The following LGSN variants were observed in gnomAD, a reference collection of about 807,000 sequenced individuals.
LGSN encodes the protein lengsin.
LGSN carries 21 observed loss-of-function variants against 19.5 expected under a neutral mutation model. That is an observed-to-expected ratio of 1.07 (90% confidence interval 0.76 to 1.55). LGSN has a LOEUF of 1.55. Ranked by LOEUF, LGSN falls within the 40% of genes most tolerant of loss-of-function variation. The pLI is 0.00. For synonymous variants in LGSN, 257 were observed against 215.6 expected (o/e 1.19, Z -1.68); for missense variants, 673 against 608.5 (o/e 1.11, Z -1.12).
At chr6:63,432,168 A>AGAAG in the LGSN span, among the ~76,000 whole-genome samples, 1 of 100,600 alleles carries the variant, frequency 9.9e-6, no homozygotes, top group African/African-American at 4.6e-5. Flanking sequence ...AAAGAAAGAA[A>AGAAG]GAAAAGGAAA....
chr6:63,405,723 C>G, the LGSN span, among the ~76,000 whole-genome samples: 1 of 152,100 alleles, frequency 6.6e-6, no homozygotes, highest in Admixed American at 6.6e-5. Flanking sequence ...TTAAAAGACA[C>G]AGACTGGCAA....
chr6:63,283,677 T>C (rs1037666721), intron 3 of LGSN, among the ~76,000 whole-genome samples: 1 of 151,646 alleles, frequency 6.6e-6, no homozygotes, highest in African/African-American at 2.4e-5. Flanking sequence ...ATATTTAGGT[T>C]ACTTTGCACA....
At chr6:63,302,363 G>A (rs1445122534) in intron 1 of LGSN, among the ~76,000 whole-genome samples, 1 of 152,092 alleles carries the variant, frequency 6.6e-6, no homozygotes, top group African/African-American at 2.4e-5. Flanking sequence ...CTTTCTTAAA[G>A]CTCATTACAA....
chr6:63,358,176 T>A, the LGSN span, among the ~76,000 whole-genome samples: 14 of 152,360 alleles, frequency 9.2e-5, no homozygotes, highest in African/African-American at 3.4e-4. Flanking sequence ...GGCTCTGTTC[T>A]GTTCCATTGG....
chr6:63,463,026 C>T, the LGSN span, among the ~76,000 whole-genome samples: 2 of 152,262 alleles, frequency 1.3e-5, no homozygotes, highest in African/African-American at 2.4e-5. Flanking sequence ...GTAATGATTT[C>T]TTTCTCTTCT....
the LGSN span, among the ~76,000 whole-genome samples, chr6:63,487,929 G>A: frequency 3.3e-5 from 5 of 151,478 alleles, no homozygotes; most frequent in Admixed American, 2.6e-4. Context: ...GCAGTGAGCC[G>A]AGATCACGCC....
chr6:63,560,338 CA>C, the LGSN span, among the ~76,000 whole-genome samples: 1,873 of 50,590 alleles, frequency 0.037, 11 homozygotes, highest in African/African-American at 0.1. Context: ...GACTCCGTCT[CA>C]AAAAAAAAAA....
At chr6:63,368,382 C>T in the LGSN span, among the ~76,000 whole-genome samples, 1 of 152,126 alleles carries the variant, frequency 6.6e-6, no homozygotes, top group African/African-American at 2.4e-5. Flanking sequence ...CTGACCTAAC[C>T]GTCTGTGGGA....
the LGSN span, among the ~76,000 whole-genome samples, chr6:63,452,388 A>G: frequency 6.6e-6 from 1 of 152,210 alleles, no homozygotes; most frequent in South Asian, 2.1e-4. Flanking sequence ...TGCTGGGATT[A>G]CAGGCATGAG....
chr6:63,356,132 T>A, the LGSN span, among the ~76,000 whole-genome samples: 1 of 152,294 alleles, frequency 6.6e-6, no homozygotes, highest in South Asian at 2.1e-4. Context: ...CTTGACTACA[T>A]CTGCAAACAC....
chr6:63,323,937 A>C (rs1227513054), upstream of LGSN, among the ~76,000 whole-genome samples: 1 of 151,768 alleles, frequency 6.6e-6, no homozygotes, highest in African/African-American at 2.4e-5. Flanking sequence ...ACACCTGGAT[A>C]ACTTTTAGTA....
intron 2 of LGSN, among the ~76,000 whole-genome samples, chr6:63,287,161 ACT>A (rs137998168): frequency 0.037 from 5,666 of 152,262 alleles, 348 homozygotes; most frequent in African/African-American, 0.13. Flanking sequence ...AAAACAAATT[ACT>A]GTTTCCACAT....
the LGSN span, among the ~76,000 whole-genome samples, chr6:63,347,656 C>A: frequency 6.6e-6 from 1 of 152,154 alleles, no homozygotes; most frequent in Non-Finnish European, 1.5e-5. Flanking sequence ...GCTTATCTTA[C>A]AGTGACACAT....
chr6:63,500,290 T>A, the LGSN span, among the ~76,000 whole-genome samples: 2 of 152,102 alleles, frequency 1.3e-5, no homozygotes, highest in East Asian at 1.9e-4. Flanking sequence ...TATAATCTCA[T>A]AGAGTAGCCA....
At chr6:63,483,109 T>C in the LGSN span, among the ~76,000 whole-genome samples, 81,558 of 152,120 alleles carry the variant, frequency 0.54, 23,697 homozygotes, top group African/African-American at 0.77. Context: ...TTGGGAATGC[T>C]TTCAGCAGCC....
chr6:63,433,111 C>G, the LGSN span, among the ~76,000 whole-genome samples: 2 of 152,134 alleles, frequency 1.3e-5, no homozygotes, highest in African/African-American at 4.8e-5. Flanking sequence ...AATCCAAACA[C>G]CCCCATGTAT....
the LGSN span, among the ~76,000 whole-genome samples, chr6:63,420,028 C>T: frequency 2.0e-5 from 3 of 150,574 alleles, no homozygotes; most frequent in Admixed American, 1.3e-4. Context: ...CGGTGAAACC[C>T]CGTCTCTACT....
At chr6:63,487,334 T>C in the LGSN span, among the ~76,000 whole-genome samples, 5 of 152,182 alleles carry the variant, frequency 3.3e-5, no homozygotes, top group Admixed American at 1.3e-4. Flanking sequence ...ATTATCTTTA[T>C]CACCTGGACT....
At chr6:63,348,629 T>A in the LGSN span, among the ~76,000 whole-genome samples, 1 of 152,070 alleles carries the variant, frequency 6.6e-6, no homozygotes, top group East Asian at 1.9e-4. Flanking sequence ...AGAGACAACA[T>A]CTTATTGCAC....
Sources: gnomAD v4.1 joint callset for allele counts (sites outside exome capture counted in the v4.1 genomes callset) on GRCh38, gnomAD v4.1.1 for gene constraint, MANE v1.5 for transcripts, NCBI Gene and HGNC (gene_info 2026-07-23, HGNC 2026-07-21) for gene names.